The following STARD8 variants were observed in gnomAD, a reference collection of about 807,000 sequenced individuals.
STARD8 encodes the protein stAR-related lipid transfer protein 8.
Under a neutral mutation model 69.4 loss-of-function variants are expected in STARD8, and 25 were observed. The ratio of observed to expected loss-of-function variants is 0.36; its 90% CI spans 0.26 to 0.50. The LOEUF is 0.50. Ranked by LOEUF, STARD8 falls within the 20% of genes least tolerant of loss-of-function variation. The pLI is 0.96. For missense variants in STARD8, 921 were observed against 932.5 expected (o/e 0.99, Z 0.16); for synonymous variants, 389 against 374.6 (o/e 1.04, Z -0.45).
intron 1 of STARD8, among the ~76,000 whole-genome samples, chrX:68,649,793 AT>A (rs931973547): frequency 9.0e-6 from 1 of 111,070 alleles, no homozygotes; most frequent in Admixed American, 9.7e-5. Context: ...TAATAGGGAT[AT>A]AATTAAGTGG....
intron 1 of STARD8, among the ~76,000 whole-genome samples, chrX:68,661,943 T>TC (rs1440658603): frequency 1.4e-5 from 1 of 73,856 alleles, no homozygotes; most frequent in African/African-American, 7.5e-5. Flanking sequence ...CCCTCCCTCC[T>TC]TCCTCTCTCT....
rs1457779114 is a variant in STARD8 at position 68,661,968 on chromosome X, CTCTCTTTCTT to C, written c.46-3527_46-3518del. ...TTCCTCTCTCTCTCTCTCTCTCTCT[CTCTCTTTCTT>C]TCTTTCTTTCTTTCTTTCTTTCTTT... On this transcript the variant is annotated intron_variant, in intron 1 of 14. Coordinates refer to ENST00000374599, the MANE Select transcript of STARD8 (RefSeq NM_001142503.3). Among the ~76,000 whole-genome samples the C allele has an allele frequency of 4.1e-3, 304 of 74,441 alleles. 3 individuals carry two copies. The highest frequency in any genetic ancestry group is 0.018 in the African/African-American group (218 of 11,880). The allele number at this position is 74,441 out of a possible 115,157, so 64.6% of individuals were successfully genotyped here.
chrX:68,669,243 A>C (rs779816397), intron 2 of STARD8, among the ~76,000 whole-genome samples: 2 of 112,120 alleles, frequency 1.8e-5, no homozygotes, highest in Non-Finnish European at 3.8e-5. Flanking sequence ...TAAGTGCTGA[A>C]GTGAGAATAC....
chrX:68,709,311 A>G (rs2080031984), intron 2 of STARD8, among the ~76,000 whole-genome samples: 1 of 112,120 alleles, frequency 8.9e-6, no homozygotes, highest in Non-Finnish European at 1.9e-5. Context: ...TTTGGCTGCA[A>G]TTCTGACAGT....
chrX:68,676,625 A>G (rs1331324016), intron 2 of STARD8, among the ~76,000 whole-genome samples: 6 of 111,416 alleles, frequency 5.4e-5, no homozygotes, highest in Non-Finnish European at 1.1e-4. Flanking sequence ...AATCCCCATC[A>G]TACTGTATAT....
chrX:68,666,609 T>G (rs1452848408), intron 2 of STARD8, among the ~76,000 whole-genome samples: 1 of 111,917 alleles, frequency 8.9e-6, no homozygotes, highest in African/African-American at 3.3e-5. Flanking sequence ...GGCTCTGAGT[T>G]TTTGGGTGGT....
rs184061981 is a variant in STARD8, at chrX:68,672,081, C to T, written c.79+6549C>T. ...TTTTTTACCTTTCCTGCTACATGCC[C>T]AACTTGAGCTTTGACCAAACTCCTC... On this transcript the variant is annotated intron_variant, in intron 2 of 14. Coordinates refer to ENST00000374599, the MANE Select transcript of STARD8 (RefSeq NM_001142503.3). Among the ~76,000 whole-genome samples the T allele has an allele frequency of 6.3e-5, 7 of 111,608 alleles. No individual in the cohort carries two copies. The East Asian group carries it at 2.0e-3, about 32-fold the overall frequency.
chrX:68,682,432 C>T (rs928837452), intron 2 of STARD8, among the ~76,000 whole-genome samples: 2 of 112,420 alleles, frequency 1.8e-5, no homozygotes, highest in Non-Finnish European at 1.9e-5. Flanking sequence ...GGCAGGAAGA[C>T]ATGGATAATT....
At chrX:68,690,105 G>A (rs1409819283) in intron 2 of STARD8, among the ~76,000 whole-genome samples, 2 of 110,338 alleles carry the variant, frequency 1.8e-5, no homozygotes, top group African/African-American at 3.3e-5. Context: ...GCTGGGCGGG[G>A]GCCCCAAGCC....
At position 68,717,284 on chromosome X, in the gene STARD8, T is replaced by C. The variant is rs772764122; in HGVS notation, c.370T>C (p.Trp124Arg). 3.3e-6 allele frequency: 4 copies of C among 1,202,646 alleles called. No homozygotes were observed. In the African/African-American group the frequency reaches 5.3e-5, roughly 16 times the overall value. ...GGCCTTCCAGCAGGAAAGTAAGTGC[T>C]GGTCTCCTATGGGGTCCTCTGATCT... The part of the protein sequence containing the change: ...HWAFQQESKC[W>R]SPMGSSDLLA... Residue 124 changes from tryptophan to arginine, a missense_variant, in exon 6 of 15, where the codon TGG becomes CGG. Transcript: ENST00000374599.
chrX:68,673,669 G>C (rs1250357329), intron 2 of STARD8, among the ~76,000 whole-genome samples: 1 of 112,063 alleles, frequency 8.9e-6, no homozygotes, highest in Non-Finnish European at 1.9e-5. Context: ...GATCATTTTG[G>C]GGTGCCAAAG....
At chrX:68,693,485 C>G (rs952158350) in intron 2 of STARD8, among the ~76,000 whole-genome samples, 6 of 112,611 alleles carry the variant, frequency 5.3e-5, no homozygotes, top group African/African-American at 1.9e-4. Context: ...AAGGCAGCGG[C>G]GAGGGCCTTG....
rs1219259600 is a variant in STARD8 at position 68,723,836 on chromosome X, G to T, written c.3010G>T (p.Val1004Leu). Residue 1004 changes from valine (V) to leucine (L), a missense_variant, in exon 13 of 15, where the codon GTG becomes TTG. Val to Leu is a conservative substitution (Grantham distance 32). Coordinates refer to ENST00000374599, the MANE Select transcript of STARD8 (RefSeq NM_001142503.3). The stretch of plus-strand genomic sequence containing the variant: ...ACCCCATCCCTGCCGCGACTTTGTG[G>T]TGCTTCGGTGAGGGGCTGCAGCTGC... Reference protein sequence around the residue: ...MAPHPCRDFVVLRMWRSDLPR... With the variant: ...MAPHPCRDFVLLRMWRSDLPR... 8 of 1,198,702 alleles carry T rather than the reference G, an allele frequency of 6.7e-6. No homozygotes were observed. The highest frequency in any genetic ancestry group is 9.0e-6 in the Non-Finnish European group (8 of 888,705).
At chrX:68,660,674 C>T (rs930446093) in intron 1 of STARD8, among the ~76,000 whole-genome samples, 8 of 112,425 alleles carry the variant, frequency 7.1e-5, no homozygotes, top group Admixed American at 2.8e-4. Flanking sequence ...CAACCTGGCT[C>T]AAAACAGCCC....
intron 2 of STARD8, among the ~76,000 whole-genome samples, chrX:68,691,458 T>A (rs1233054722): frequency 1.8e-5 from 2 of 111,874 alleles, no homozygotes; most frequent in Non-Finnish European, 3.8e-5. Context: ...TTGAAGGGGA[T>A]GAGCTATCTT....
rs1178931166 is a variant in STARD8, at chrX:68,681,183, A to G, written c.79+15651A>G. On this transcript the variant is annotated intron_variant, in intron 2 of 14. Coordinates refer to ENST00000374599, the MANE Select transcript of STARD8 (RefSeq NM_001142503.3). ...TTTTACTAAAGCCCAGAAAAGGTGA[A>G]TGATTGGGCCTTAGTCATCCATAGC... 6.3e-5 allele frequency among the ~76,000 whole-genome samples: 7 copies of G among 111,476 alleles called. No homozygotes were observed. The Admixed American group carries it at 6.7e-4, about 11-fold the overall frequency.
At chrX:68,719,132 G>C (rs2080124098) in intron 6 of STARD8, 93 bp from the exon 7 acceptor site, 1 of 980,637 alleles carries the variant, frequency 1.0e-6, no homozygotes, top group African/African-American at 2.0e-5. Context: ...TTTTCTTTGG[G>C]GAGAAAAAAG....
intron 2 of STARD8, among the ~76,000 whole-genome samples, chrX:68,705,836 A>G (rs1454915814): frequency 1.8e-5 from 2 of 112,787 alleles, no homozygotes; most frequent in Non-Finnish European, 3.8e-5. Flanking sequence ...ACATTGCCAA[A>G]TGTCCCCTGG....
At chrX:68,690,431 CAG>C (rs1491340907) in intron 2 of STARD8, among the ~76,000 whole-genome samples, 1 of 99,584 alleles carries the variant, frequency 1.0e-5, no homozygotes, top group South Asian at 4.4e-4. Flanking sequence ...CCCAGGCAGG[CAG>C]GGCGGGGGGA....
Sources: gnomAD v4.1 joint callset for allele counts (sites outside exome capture counted in the v4.1 genomes callset) on GRCh38, gnomAD v4.1.1 for gene constraint, MANE v1.5 for transcripts, NCBI Gene and HGNC (gene_info 2026-07-23, HGNC 2026-07-21) for gene names.